TDRD7: variants seen among roughly 807,000 people sequenced by gnomAD.
The protein encoded by TDRD7 is tudor domain-containing protein 7.
In TDRD7, 47 loss-of-function variants were observed where a neutral mutation model predicts 109.8. The observed-to-expected ratio is 0.43, with a 90% CI of 0.34 to 0.55. The LOEUF is 0.55. TDRD7 is among the 20% of genes least tolerant of loss of function. The pLI, the probability that TDRD7 is intolerant of heterozygous loss-of-function variation, is 0.03. For missense variants in TDRD7, 1,164 were observed against 1,319.2 expected (o/e 0.88, Z 1.82); for synonymous variants, 424 against 457.3 (o/e 0.93, Z 0.93).
At position 97,432,108 on chromosome 9, in the gene TDRD7, G is replaced by T; in HGVS notation, c.433G>T (p.Asp145Tyr). ...GKKPNPAPLRDKGNSVGVKPD... is the reference protein window; with the variant it reads ...GKKPNPAPLRYKGNSVGVKPD... ...AAAACCTAATCCAGCACCGTTAAGA[G>T]ACAAAGGAAACTCTGTTGGAGTTAA... The change falls in exon 4 of 17, where the codon GAC becomes TAC. Residue 145 changes from aspartate (D) to tyrosine (Y), a missense_variant. Asp to Tyr is a radical substitution (Grantham distance 160, BLOSUM62 -3). This residue lies in a region of TDRD7 where 407 missense variants were observed against 394.0 expected (regional missense o/e 1.03). Coordinates refer to ENST00000355295, the MANE Select transcript of TDRD7 (RefSeq NM_014290.3). The T allele has an allele frequency of 6.2e-7, 1 of 1,613,854 alleles. No homozygotes were observed. Among genetic ancestry groups the T allele is most frequent in the African/African-American group, 1.3e-5 (1 of 75,014 alleles).
intron 6 of TDRD7, 118 bp downstream of exon 6, chr9:97,441,993 C>T (rs1828315163): frequency 2.5e-6 from 2 of 813,414 alleles, no homozygotes; most frequent in East Asian, 2.6e-5. Flanking sequence ...CATATGTTAC[C>T]TCATTAATCT....
At chr9:97,442,273 T>G (rs1364158300) in intron 6 of TDRD7, among the ~76,000 whole-genome samples, 1 of 152,200 alleles carries the variant, frequency 6.6e-6, no homozygotes, top group Non-Finnish European at 1.5e-5. Flanking sequence ...TGAGCATTTT[T>G]AAAGACTTGT....
At chr9:97,465,054 C>T in intron 8 of TDRD7, 26 bp downstream of exon 8, 1 of 1,605,766 alleles carries the variant, frequency 6.2e-7, no homozygotes, top group Non-Finnish European at 8.5e-7. Flanking sequence ...TTTGTCATAG[C>T]ATTATGGATA....
chr9:97,484,290 T>C (rs1829173800), intron 15 of TDRD7, among the ~76,000 whole-genome samples: 1 of 152,202 alleles, frequency 6.6e-6, no homozygotes, highest in South Asian at 2.1e-4. Context: ...CCCAAAGCCC[T>C]GCAGGATGTG....
At position 97,432,243 on chromosome 9, in the gene TDRD7, T is replaced by C. The variant is rs1828117693; in HGVS notation, c.563+5T>C. The C allele has an allele frequency of 1.2e-6, 2 of 1,613,190 alleles. No individual in the cohort carries two copies. Among genetic ancestry groups the C allele is most frequent in the Admixed American group, 3.3e-5 (2 of 59,934 alleles). ...GACCATGTCCACCAACAACAGGTATTTGGCCTCTGACTCACAGAAGTTTGG... is the reference window on the plus strand; with the variant it reads ...GACCATGTCCACCAACAACAGGTATCTGGCCTCTGACTCACAGAAGTTTGG... On this transcript the variant is annotated splice_donor_5th_base_variant and intron_variant, in intron 4 of 16. Coordinates refer to ENST00000355295, the MANE Select transcript of TDRD7 (RefSeq NM_014290.3).
chr9:97,464,118 A>G (rs1828779914), intron 7 of TDRD7, among the ~76,000 whole-genome samples: 1 of 152,216 alleles, frequency 6.6e-6, no homozygotes, highest in Non-Finnish European at 1.5e-5. Flanking sequence ...GCCTTAGTCA[A>G]GATCCAGCAT....
At chr9:97,479,311 G>C (rs1295609677) in intron 13 of TDRD7, among the ~76,000 whole-genome samples, 1 of 152,090 alleles carries the variant, frequency 6.6e-6, no homozygotes, top group Non-Finnish European at 1.5e-5. Context: ...GACTATTACA[G>C]AGAAGCTTTT....
intron 10 of TDRD7, 35 bp downstream of exon 10, chr9:97,472,530 AT>A (rs780049840): frequency 1.2e-5 from 18 of 1,531,552 alleles, no homozygotes; most frequent in Middle Eastern, 1.7e-4. Context: ...CTTGTTACAC[AT>A]TTTGTATGAG....
At chr9:97,461,037 A>C (rs1363603720) in intron 7 of TDRD7, among the ~76,000 whole-genome samples, 3 of 151,938 alleles carry the variant, frequency 2.0e-5, no homozygotes, top group African/African-American at 7.3e-5. Flanking sequence ...GCTACTCGGG[A>C]GGCTGAGGCA....
At chr9:97,469,367 T>C (rs1290477793) in intron 8 of TDRD7, among the ~76,000 whole-genome samples, 1 of 152,220 alleles carries the variant, frequency 6.6e-6, no homozygotes, top group Admixed American at 6.5e-5. Flanking sequence ...TTCTAAGAGA[T>C]GGTCTTTCTG....
intron 16 of TDRD7, among the ~76,000 whole-genome samples, chr9:97,492,459 G>A (rs1829323986): frequency 6.6e-6 from 1 of 152,062 alleles, no homozygotes; most frequent in South Asian, 2.1e-4. Context: ...TGAAAAGTGT[G>A]GTTTTTGAAG....
intron 1 of TDRD7, among the ~76,000 whole-genome samples, chr9:97,416,616 TTGA>T (rs1341105552): frequency 1.3e-5 from 2 of 152,204 alleles, no homozygotes; most frequent in South Asian, 2.1e-4. Flanking sequence ...AATAATCTAC[TTGA>T]TGATTCTCAA....
At chr9:97,417,109 G>T (rs1008942694) in intron 1 of TDRD7, among the ~76,000 whole-genome samples, 30 of 152,114 alleles carry the variant, frequency 2.0e-4, no homozygotes, top group African/African-American at 6.5e-4. Context: ...TGTGCCCCTG[G>T]AGTCAATATG....
Position 97,460,330 on chromosome 9 carries a change from T to C in TDRD7, c.1008T>C (p.Val336=). 6.2e-7 allele frequency: 1 copy of C among 1,614,182 alleles called. No homozygotes were observed. Among genetic ancestry groups the C allele is most frequent in the South Asian group, 1.1e-5 (1 of 91,084 alleles). ...CACCGTTGAAAGGGTGTCCAACAGT[T>C]ATGGCAGGAGACTTTAAAGAAAAAG... is the stretch of plus-strand genomic sequence containing the variant. ...QTPPLKGCPT[V]MAGDFKEKVA... is the part of the protein sequence containing the mutation. Residue 336 remains valine, a synonymous_variant, in exon 7 of 17, where the codon GTT becomes GTC. Transcript: ENST00000355295.
rs1479414960 is a variant in TDRD7, at chr9:97,483,012, C to A, written c.2576C>A (p.Ser859Tyr). The stretch of plus-strand genomic sequence containing the variant: ...AGTGCCATATCCAGTGGAGCTGACT[C>A]TCCCAACAGCAAAAATGGCAACATG... Reference protein sequence around the residue: ...FLSAISSGADSPNSKNGNMPM... With the variant: ...FLSAISSGADYPNSKNGNMPM... The change falls in exon 15 of 17, where the codon TCT becomes TAT. Residue 859 changes from serine (S) to tyrosine (Y), a missense_variant. Ser to Tyr is a moderately radical substitution (Grantham distance 144). Around this residue, in one of 5 missense-constraint regions of TDRD7, gnomAD observed 233 missense variants for 218.0 expected, o/e 1.07. Transcript: ENST00000355295. The A allele has an allele frequency of 8.7e-6, 14 of 1,614,094 alleles. No individual in the cohort carries two copies. The highest frequency in any genetic ancestry group is 1.2e-5 in the Non-Finnish European group (14 of 1,180,048).
chr9:97,470,228 G>A (rs1235844746), intron 8 of TDRD7, among the ~76,000 whole-genome samples: 1 of 152,212 alleles, frequency 6.6e-6, no homozygotes, highest in Non-Finnish European at 1.5e-5. Flanking sequence ...CACCAAAGGG[G>A]AGGGGAGCAG....
intron 6 of TDRD7, among the ~76,000 whole-genome samples, chr9:97,453,276 A>T (rs1469962293): frequency 6.6e-6 from 1 of 152,198 alleles, no homozygotes; most frequent in Non-Finnish European, 1.5e-5. Context: ...ACCACATCTA[A>T]ATCTAAAATT....
chr9:97,420,734 A>G (rs922788098), intron 1 of TDRD7, among the ~76,000 whole-genome samples: 2 of 152,198 alleles, frequency 1.3e-5, no homozygotes, highest in Non-Finnish European at 2.9e-5. Flanking sequence ...TAATGCTGTT[A>G]TATACACACA....
chr9:97,454,377 G>A (rs2118451368), intron 6 of TDRD7, among the ~76,000 whole-genome samples: 1 of 152,312 alleles, frequency 6.6e-6, no homozygotes, highest in Non-Finnish European at 1.5e-5. Flanking sequence ...CTACTCAGGA[G>A]GCTGAGGGAG....
Sources: allele counts gnomAD v4.1 joint callset (sites outside exome capture counted in the v4.1 genomes callset), GRCh38; gene constraint gnomAD v4.1.1; regional missense constraint gnomAD v4.1.1; transcripts MANE v1.5; gene names NCBI Gene and HGNC (gene_info 2026-07-23, HGNC 2026-07-21).